Variants in SMARCA5 observed in about 807,000 individuals in gnomAD.
SMARCA5 encodes SWI/SNF-related matrix-associated actin-dependent regulator of chromatin subfamily A member 5.
SMARCA5 carries 18 observed loss-of-function variants against 140.4 expected under a neutral mutation model. That is an observed-to-expected ratio of 0.13 (90% CI 0.09 to 0.19). The LOEUF is 0.19. SMARCA5 is among the 10% of genes least tolerant of loss of function. The pLI is 1.00. For synonymous variants in SMARCA5, 449 were observed against 419.6 expected (o/e 1.07, Z -0.86); for missense variants, 606 against 1,276.8 (o/e 0.47, Z 8.01).
In SMARCA5 at chr4:143,514,035, C is replaced by G; in HGVS notation, c.111C>G (p.Pro37=). The part of the protein sequence containing the change: ...GGSNSSNKGG[P]EGVAAQAVAS... ...GCAACAGCAGCAACAAAGGCGGCCC[C>G]GAAGGCGTCGCGGCGCAGGCGGTTG... Residue 37 remains proline, a synonymous_variant, in exon 1 of 24, where the codon CCC becomes CCG. Transcript: ENST00000283131. 2 of 1,555,740 alleles carry G rather than the reference C, an allele frequency of 1.3e-6. No homozygotes were observed. The highest frequency in any genetic ancestry group is 1.7e-6 in the Non-Finnish European group (2 of 1,158,850).
chr4:143,556,702 A>G lies in SMARCA5; in HGVS notation c.*3518A>G, dbSNP rs1185743232. 1 of 152,232 alleles carries G rather than the reference A, an allele frequency of 6.6e-6. No homozygotes were observed. Among genetic ancestry groups the G allele is most frequent in the East Asian group, 1.9e-4 (1 of 5,196 alleles). 9.4% of individuals were successfully genotyped at this position (152,232 alleles called of 1,614,324 possible). On this transcript the variant is annotated 3_prime_UTR_variant, in exon 24 of 24. Transcript: ENST00000283131. ...TGATGTCAAGATCAAAGGTGAGGGCATCCCTCAGATGACAGATAATGGGCA... is the reference window on the plus strand; with the variant it reads ...TGATGTCAAGATCAAAGGTGAGGGCGTCCCTCAGATGACAGATAATGGGCA...
Position 143,534,848 on chromosome 4 carries a change from T to G in SMARCA5, c.1159-7T>G. On this transcript the variant is annotated splice_polypyrimidine_tract_variant and splice_region_variant and intron_variant, in intron 9 of 23. Coordinates refer to ENST00000283131, the MANE Select transcript of SMARCA5 (RefSeq NM_003601.4). ...GGTATTACCTGTTTATTTTTGTCCT[T>G]TTTAAGGTTTTGCGTCCATTCCTCC... 1.2e-6 allele frequency: 2 copies of G among 1,606,320 alleles called. No homozygotes were observed. Among genetic ancestry groups the G allele is most frequent in the Non-Finnish European group, 8.5e-7 (1 of 1,175,704 alleles).
intron 9 of SMARCA5, among the ~76,000 whole-genome samples, chr4:143,531,739 T>G (rs908806172): frequency 4.6e-5 from 7 of 152,230 alleles, no homozygotes; most frequent in African/African-American, 1.7e-4. Context: ...TTTAATTTGA[T>G]AGATTGCTGA....
rs11541117 is a variant in SMARCA5 at position 143,521,582 on chromosome 4, C to T, written c.406C>T (p.Leu136=). The change falls in exon 3 of 24, where the codon CTA becomes TTA. Residue 136 remains leucine, a synonymous_variant. Coordinates refer to ENST00000283131, the MANE Select transcript of SMARCA5 (RefSeq NM_003601.4). The part of the protein sequence containing the change: ...RIKKDEKQNL[L]SVGDYRHRRT... The stretch of plus-strand genomic sequence containing the variant: ...AAAAAAAGATGAGAAGCAGAACTTA[C>T]TATCCGTTGGCGAGTGAGTAATAGT... 0.44 allele frequency: 716,447 copies of T among 1,610,322 alleles called. 161,950 individuals carry two copies. The highest frequency in any genetic ancestry group is 0.71 in the East Asian group (31,763 of 44,840).
At chr4:143,549,210 A>G (rs771462567) in intron 22 of SMARCA5, among the ~76,000 whole-genome samples, 103 of 152,140 alleles carry the variant, frequency 6.8e-4, no homozygotes, top group Non-Finnish European at 1.3e-3. Context: ...ATGCACAAAA[A>G]ATGATAATGT....
At chr4:143,536,321 A>G (rs1737303916) in intron 10 of SMARCA5, 131 bp from the exon 11 acceptor site, 1 of 650,086 alleles carries the variant, frequency 1.5e-6, no homozygotes, top group Admixed American at 2.7e-5. Flanking sequence ...TCCTAACCAT[A>G]CCTAGAAGTT....
At chr4:143,524,035 G>A (rs1737019418) in intron 3 of SMARCA5, among the ~76,000 whole-genome samples, 1 of 151,590 alleles carries the variant, frequency 6.6e-6, no homozygotes, top group Non-Finnish European at 1.5e-5. Context: ...TTTTTCCTTG[G>A]CAAAAAGATT....
At chr4:143,531,393 T>C (rs931594723) in intron 9 of SMARCA5, among the ~76,000 whole-genome samples, 9 of 152,220 alleles carry the variant, frequency 5.9e-5, no homozygotes, top group African/African-American at 2.2e-4. Flanking sequence ...AATACCCTGC[T>C]AAGCAGGTTA....
chr4:143,516,177 CTAAACAGAG>C (rs1237622288), intron 1 of SMARCA5, among the ~76,000 whole-genome samples: 1 of 144,118 alleles, frequency 6.9e-6, no homozygotes, highest in African/African-American at 2.6e-5. Context: ...AGGTGTTTTT[CTAAACAGAG>C]TAAACCCAGC....
chr4:143,548,332 A>T (rs1737571818), intron 22 of SMARCA5, 192 bp downstream of exon 22: 1 of 420,892 alleles, frequency 2.4e-6, no homozygotes. Context: ...TACGTCTTTA[A>T]ATATCACTAT....
rs1483234272 is a variant in SMARCA5 at position 143,556,850 on chromosome 4, T to A, written c.*3666T>A. On this transcript the variant is annotated 3_prime_UTR_variant, in exon 24 of 24. Transcript: ENST00000283131. ...AAATAGGCTTTTGCAGCATTAACTT[T>A]ACAGTAGTTACCAGAAAAGACTATG... The A allele has an allele frequency of 6.6e-6, 1 of 152,208 alleles. No individual in the cohort carries two copies. The highest frequency in any genetic ancestry group is 1.9e-4 in the East Asian group (1 of 5,198). The allele number at this position is 152,208 out of a possible 1,614,324, so 9.4% of individuals were successfully genotyped here. A position where few individuals can be genotyped will look rare whatever the true frequency, so the allele number is the denominator to read the frequency against.
At chr4:143,546,069 A>T in intron 19 of SMARCA5, 22 bp downstream of exon 19, 1 of 1,549,258 alleles carries the variant, frequency 6.5e-7, no homozygotes, top group Non-Finnish European at 8.7e-7. Flanking sequence ...AATCAGTACA[A>T]ACTTTAGTAA....
intron 9 of SMARCA5, 109 bp downstream of exon 9, chr4:143,530,635 C>A: frequency 1.5e-6 from 1 of 683,120 alleles, no homozygotes; most frequent in South Asian, 1.8e-5. Context: ...GCTTAAGAAT[C>A]AGATCTGCTT....
chr4:143,550,225 CT>C (rs70953739), intron 23 of SMARCA5, 121 bp downstream of exon 23: 11,340 of 214,566 alleles, frequency 0.053, 11 homozygotes, highest in East Asian at 0.09. Context: ...ATTGCCTTTA[CT>C]TTTTTTTTTT....
Position 143,539,085 on chromosome 4 carries a change from T to C in SMARCA5, c.1770+147T>C, listed in dbSNP as rs577530378. The C allele has an allele frequency of 3.0e-5, 22 of 728,058 alleles. No individual in the cohort carries two copies. The Admixed American group carries it at 3.6e-4, about 12-fold the overall frequency. 45.1% of individuals were successfully genotyped at this position (728,058 alleles called of 1,614,324 possible). ...CAGTGAGAGTATATTGAGGTGATCTTCCATCTAAATAAGGGTATTTCCATC... is the reference window on the plus strand; with the variant it reads ...CAGTGAGAGTATATTGAGGTGATCTCCCATCTAAATAAGGGTATTTCCATC... On this transcript the variant is annotated intron_variant, in intron 13 of 23. Coordinates refer to ENST00000283131, the MANE Select transcript of SMARCA5 (RefSeq NM_003601.4).
At chr4:143,544,897 A>T (rs7692376) in intron 17 of SMARCA5, 50 bp downstream of exon 17, 24 of 936,156 alleles carry the variant, frequency 2.6e-5, no homozygotes, top group South Asian at 4.4e-5. Flanking sequence ...TGAAAATGTA[A>T]TTTTTTTCAT....
At chr4:143,523,468 A>G (rs543686803) in intron 3 of SMARCA5, among the ~76,000 whole-genome samples, 1 of 152,352 alleles carries the variant, frequency 6.6e-6, no homozygotes, top group African/African-American at 2.4e-5. Context: ...AAAGAATTTA[A>G]AATTATCTCC....
chr4:143,532,232 C>T (rs1241386620), intron 9 of SMARCA5, among the ~76,000 whole-genome samples: 1 of 152,138 alleles, frequency 6.6e-6, no homozygotes, highest in African/African-American at 2.4e-5. Context: ...AGATGGCATT[C>T]ATGCATCTAA....
At chr4:143,524,606 TC>T in intron 4 of SMARCA5, 139 bp downstream of exon 4, 1 of 596,776 alleles carries the variant, frequency 1.7e-6, no homozygotes, top group South Asian at 2.2e-5. Flanking sequence ...GAAATAAACT[TC>T]AGATTTTGAT....
Sources: gnomAD v4.1 joint callset for allele counts (sites outside exome capture counted in the v4.1 genomes callset) on GRCh38, gnomAD v4.1.1 for gene constraint, MANE v1.5 for transcripts, NCBI Gene and HGNC (gene_info 2026-07-23, HGNC 2026-07-21) for gene names.